TMEM74: variants seen among roughly 807,000 people sequenced by gnomAD.
The protein encoded by TMEM74 is transmembrane protein 74.
A neutral mutation model predicts 18.1 loss-of-function variants in TMEM74; 13 were observed. That is an observed-to-expected ratio of 0.72 (90% CI 0.47 to 1.14). TMEM74 has a LOEUF of 1.14. TMEM74 is among the 50% of genes most tolerant of loss of function. The pLI, the probability that TMEM74 is intolerant of heterozygous loss-of-function variation, is 0.00. For missense variants in TMEM74, 372 were observed against 375.9 expected, an observed-to-expected ratio of 0.99 and a Z score of 0.09; for synonymous variants, 159 against 146.6, an observed-to-expected ratio of 1.08 and a Z score of -0.61.
chr8:108,612,355 C>T (rs546087868), intron 2 of TMEM74, among the ~76,000 whole-genome samples: 45 of 152,084 alleles, frequency 3.0e-4, no homozygotes, highest in South Asian at 8.3e-4. Flanking sequence ...TAATATTTAA[C>T]ATAATTTTAT....
Position 108,783,959 on chromosome 8 carries a change from T to A in TMEM74, c.*222A>T. The A allele has an allele frequency of 2.6e-6, 1 of 390,170 alleles. No homozygotes were observed. The allele number at this position is 390,170 out of a possible 1,614,324, so 24.2% of individuals were successfully genotyped here. ...CATTACAGATTAATTAGCCTTCAGC[T>A]CTTCAGAAGGATAGGTGTGGCTGGT... On this transcript the variant is annotated 3_prime_UTR_variant, in exon 2 of 2. Coordinates refer to ENST00000297459, the MANE Select transcript of TMEM74 (RefSeq NM_153015.3).
intron 2 of TMEM74, among the ~76,000 whole-genome samples, chr8:108,615,915 T>C (rs1812378408): frequency 7.0e-6 from 1 of 143,452 alleles, no homozygotes; most frequent in Non-Finnish European, 1.5e-5. Flanking sequence ...GCCTCCTGAA[T>C]AGCTGGGACT....
intron 2 of TMEM74, among the ~76,000 whole-genome samples, chr8:108,617,522 TC>T (rs1586235171): frequency 1.3e-5 from 2 of 152,112 alleles, no homozygotes; most frequent in African/African-American, 4.8e-5. Context: ...TGTCTAAGAT[TC>T]CTCCATTCAA....
At chr8:108,619,258 A>G (rs1367994370) in intron 2 of TMEM74, among the ~76,000 whole-genome samples, 1 of 152,250 alleles carries the variant, frequency 6.6e-6, no homozygotes, top group Non-Finnish European at 1.5e-5. Flanking sequence ...AACTAGAAAC[A>G]GCAACTAGGA....
At chr8:108,703,815 G>A (rs1813362628) in intron 1 of TMEM74, among the ~76,000 whole-genome samples, 1 of 152,188 alleles carries the variant, frequency 6.6e-6, no homozygotes, top group Non-Finnish European at 1.5e-5. Flanking sequence ...CCTTACGGCA[G>A]GGTAGATACC....
chr8:108,748,169 C>A (rs1297143281), intron 1 of TMEM74, among the ~76,000 whole-genome samples: 3 of 152,146 alleles, frequency 2.0e-5, no homozygotes, highest in African/African-American at 7.2e-5. Flanking sequence ...AACTAATTTA[C>A]ACTCCCACCA....
intron 2 of TMEM74, among the ~76,000 whole-genome samples, chr8:108,653,569 T>C (rs891597482): frequency 1.3e-5 from 2 of 152,226 alleles, no homozygotes; most frequent in Admixed American, 1.3e-4. Context: ...CACATGGCTT[T>C]GGATGTGTCT....
chr8:108,748,032 A>T (rs537379148), intron 1 of TMEM74, among the ~76,000 whole-genome samples: 2 of 152,276 alleles, frequency 1.3e-5, no homozygotes, highest in East Asian at 3.9e-4. Context: ...ATATGCATGC[A>T]TCTGTCTTTA....
intron 1 of TMEM74, among the ~76,000 whole-genome samples, chr8:108,743,395 G>A (rs1813820563): frequency 6.6e-6 from 1 of 151,978 alleles, no homozygotes; most frequent in Admixed American, 6.6e-5. Flanking sequence ...GTGAAATACT[G>A]TATTACAACA....
chr8:108,649,318 A>G (rs904242615), intron 2 of TMEM74, among the ~76,000 whole-genome samples: 1 of 152,194 alleles, frequency 6.6e-6, no homozygotes, highest in Non-Finnish European at 1.5e-5. Flanking sequence ...TCAGCTTTAC[A>G]TGACATTCAA....
chr8:108,764,965 C>T (rs551073902), intron 1 of TMEM74, among the ~76,000 whole-genome samples: 4 of 152,258 alleles, frequency 2.6e-5, no homozygotes, highest in Admixed American at 6.5e-5. Context: ...TTCATCCACT[C>T]GCTATATCAC....
chr8:108,665,406 G>C (rs1485445896), intron 1 of TMEM74, among the ~76,000 whole-genome samples: 1 of 152,074 alleles, frequency 6.6e-6, no homozygotes, highest in African/African-American at 2.4e-5. Context: ...GCATCAGGGA[G>C]AAAGAGTAGC....
intron 1 of TMEM74, among the ~76,000 whole-genome samples, chr8:108,658,668 G>A (rs1293655349): frequency 6.6e-6 from 1 of 152,212 alleles, no homozygotes; most frequent in Admixed American, 6.6e-5. Context: ...AAGCTTTGCA[G>A]CCAAGCAAAT....
intron 1 of TMEM74, among the ~76,000 whole-genome samples, chr8:108,762,756 G>A (rs151212056): frequency 5.9e-4 from 89 of 152,090 alleles, no homozygotes; most frequent in Middle Eastern, 3.4e-3. Flanking sequence ...TTAATAGAAG[G>A]CATAGTGGTA....
chr8:108,620,695 T>C lies in TMEM74; in HGVS notation n.265-11869A>G, dbSNP rs952619147. ...ATATCGCTTAGTAAGGACATTTGGC[T>C]TCCTAATGACAGCACATTCATGATA... On this transcript the variant is annotated intron_variant and non_coding_transcript_variant, in intron 2 of 3. Coordinates refer to the TMEM74 transcript ENST00000518838. Among the ~76,000 whole-genome samples, 5 of 152,292 alleles carry C rather than the reference T, an allele frequency of 3.3e-5. No homozygotes were observed. In the South Asian group the frequency reaches 1.0e-3, roughly 32 times the overall value.
At chr8:108,712,726 T>C (rs976566777) in intron 1 of TMEM74, among the ~76,000 whole-genome samples, 1 of 152,146 alleles carries the variant, frequency 6.6e-6, no homozygotes, top group Non-Finnish European at 1.5e-5. Context: ...TGTGTGCGTG[T>C]GTGTGTGTGT....
At chr8:108,627,819 G>A (rs1229364033) in intron 2 of TMEM74, among the ~76,000 whole-genome samples, 1 of 151,996 alleles carries the variant, frequency 6.6e-6, no homozygotes, top group Non-Finnish European at 1.5e-5. Context: ...TTGGGAAGCT[G>A]AGGCGGATGT....
intron 1 of TMEM74, among the ~76,000 whole-genome samples, chr8:108,722,266 C>T (rs764905270): frequency 7.9e-5 from 12 of 152,166 alleles, no homozygotes; most frequent in Non-Finnish European, 1.3e-4. Flanking sequence ...GGGATTAGAA[C>T]ACAGACATCT....
chr8:108,650,287 T>C (rs1305163975), intron 2 of TMEM74, among the ~76,000 whole-genome samples: 1 of 152,208 alleles, frequency 6.6e-6, no homozygotes, highest in Non-Finnish European at 1.5e-5. Flanking sequence ...GTTTGGATTA[T>C]TTCAATAACC....
Sources: gnomAD v4.1 joint callset for allele counts (sites outside exome capture counted in the v4.1 genomes callset) on GRCh38, gnomAD v4.1.1 for gene constraint, MANE v1.5 for transcripts, NCBI Gene and HGNC (gene_info 2026-07-23, HGNC 2026-07-21) for gene names.